Variants in TRAK2 observed in about 807,000 individuals in gnomAD.
The protein encoded by TRAK2 is trafficking kinesin protein 2.
Under a neutral mutation model 104.6 loss-of-function variants are expected in TRAK2, and 81 were observed. That is an observed-to-expected ratio of 0.77 (90% CI 0.65 to 0.93). The LOEUF is 0.93. TRAK2 is among the 40% of genes least tolerant of loss of function. TRAK2 has a pLI of 0.00. For missense variants in TRAK2, 1,002 were observed against 1,089.0 expected (o/e 0.92, Z 1.12); for synonymous variants, 406 against 394.4 (o/e 1.03, Z -0.35).
chr2:201,440,404 T>A (rs1488663778), intron 1 of TRAK2, among the ~76,000 whole-genome samples: 2 of 152,150 alleles, frequency 1.3e-5, no homozygotes, highest in African/African-American at 2.4e-5. Flanking sequence ...CAGGACCTGT[T>A]TTTCTGCCCT....
At chr2:201,408,986 G>A (rs1951620746) in intron 2 of TRAK2, among the ~76,000 whole-genome samples, 1 of 152,026 alleles carries the variant, frequency 6.6e-6, no homozygotes, top group Non-Finnish European at 1.5e-5. Context: ...TGAGGTGAAG[G>A]AAATCGGAAA....
In TRAK2 at chr2:201,398,358, T is replaced by A; in HGVS notation, c.481-4A>T. 6.2e-7 allele frequency: 1 copy of A among 1,608,562 alleles called. No homozygotes were observed. The highest frequency in any genetic ancestry group is 8.5e-7 in the Non-Finnish European group (1 of 1,175,680). ...GCTCATGCTGCAGCTGATTAACCTGTCCATATAAAATGCTTGATTTTCATG... is the reference window on the plus strand; with the variant it reads ...GCTCATGCTGCAGCTGATTAACCTGACCATATAAAATGCTTGATTTTCATG... On this transcript the variant is annotated splice_region_variant and splice_polypyrimidine_tract_variant and intron_variant, in intron 5 of 15. Coordinates refer to ENST00000332624, the MANE Select transcript of TRAK2 (RefSeq NM_015049.3).
Position 201,447,960 on chromosome 2 carries a change from A to G in TRAK2, c.-200+3390T>C, listed in dbSNP as rs1951976559. Among the ~76,000 whole-genome samples, 1 of 152,368 alleles carries G rather than the reference A, an allele frequency of 6.6e-6. No homozygotes were observed. The highest frequency in any genetic ancestry group is 3.4e-3 in the Middle Eastern group (1 of 294). On this transcript the variant is annotated intron_variant, in intron 1 of 15. Coordinates refer to ENST00000332624, the MANE Select transcript of TRAK2 (RefSeq NM_015049.3). This position sits in a 1 kb window ranked among gnomAD's most constrained non-coding sequence, Gnocchi z 4.1. Reference sequence around the variant, plus strand: ...TGTTAATTGTCTCTTTCCTTCTTCAAACTACATTCCTTAAGAGCAAAGACT... The same window carrying G: ...TGTTAATTGTCTCTTTCCTTCTTCAGACTACATTCCTTAAGAGCAAAGACT...
chr2:201,386,106 T>C (rs1408670196), intron 14 of TRAK2, 112 bp downstream of exon 14: 8 of 1,139,170 alleles, frequency 7.0e-6, no homozygotes, highest in African/African-American at 3.1e-5. Context: ...TTATCTGATA[T>C]GCAAGATTAA....
chr2:201,391,976 C>T lies in TRAK2; in HGVS notation c.1113+933G>A, dbSNP rs75212279. Among the ~76,000 whole-genome samples the T allele has an allele frequency of 5.4e-3, 822 of 152,260 alleles. 8 individuals carry two copies. The highest frequency in any genetic ancestry group is 0.018 in the African/African-American group (767 of 41,550). On this transcript the variant is annotated intron_variant, in intron 10 of 15. Coordinates refer to ENST00000332624, the MANE Select transcript of TRAK2 (RefSeq NM_015049.3). ...CTCTGTGGATTAGATGATAATACTG[C>T]ATAAACATCAACTTCCTGATGCTGA...
At chr2:201,411,116 T>C (rs1951642848) in intron 2 of TRAK2, 12 of 932,726 alleles carry the variant, frequency 1.3e-5, no homozygotes, top group Non-Finnish European at 1.9e-5. Context: ...AAGCAGAAGG[T>C]TTAGGGGTAC....
In TRAK2 at chr2:201,389,459, T is replaced by C; in HGVS notation, c.1238A>G (p.Asp413Gly). Reference protein sequence around the residue: ...RVFDTVRIANDTRGRSISFPA... With the variant: ...RVFDTVRIANGTRGRSISFPA... ...GAATGAGATAGAGCGGCCCCGTGTGTCATTGGCAATCCTGACGGTATCAAA... is the reference window on the plus strand; with the variant it reads ...GAATGAGATAGAGCGGCCCCGTGTGCCATTGGCAATCCTGACGGTATCAAA... The change falls in exon 12 of 16, where the codon GAC becomes GGC. Residue 413 changes from aspartate (D) to glycine (G), a missense_variant. Physicochemically the swap from Asp to Gly is moderately conservative, Grantham distance 94. Coordinates refer to ENST00000332624, the MANE Select transcript of TRAK2 (RefSeq NM_015049.3). 6.2e-7 allele frequency: 1 copy of C among 1,614,140 alleles called. No individual in the cohort carries two copies. The highest frequency in any genetic ancestry group is 8.5e-7 in the Non-Finnish European group (1 of 1,180,036).
At chr2:201,433,600 T>G (rs1245754650) in intron 1 of TRAK2, 1 of 152,200 alleles carries the variant, frequency 6.6e-6, no homozygotes, top group African/African-American at 2.4e-5. Context: ...CCTGTTTGTT[T>G]ATAATGAATA....
At position 201,447,798 on chromosome 2, in the gene TRAK2, T is replaced by C. The variant is rs1207723290; in HGVS notation, c.-200+3552A>G. 6.6e-6 allele frequency among the ~76,000 whole-genome samples: 1 copy of C among 152,182 alleles called. No homozygotes were observed. The highest frequency in any genetic ancestry group is 2.4e-5 in the African/African-American group (1 of 41,440). ...TTCAGCCCATAACAACCCCTTCCCC[T>C]TTTCTCTGCCCAGGCTAATTCCCAT... is the stretch of plus-strand genomic sequence containing the variant. On this transcript the variant is annotated intron_variant, in intron 1 of 15. Coordinates refer to ENST00000332624, the MANE Select transcript of TRAK2 (RefSeq NM_015049.3). The surrounding 1 kb of genome is among the most constrained non-coding windows in gnomAD (Gnocchi z 4.1).
chr2:201,427,895 G>A (rs1951804414), intron 1 of TRAK2, among the ~76,000 whole-genome samples: 1 of 151,710 alleles, frequency 6.6e-6, no homozygotes, highest in South Asian at 2.1e-4. Flanking sequence ...TCCCATTGTG[G>A]TTTGCATTTC....
At chr2:201,382,375 T>C (rs1025633653) in intron 15 of TRAK2, among the ~76,000 whole-genome samples, 1 of 152,190 alleles carries the variant, frequency 6.6e-6, no homozygotes, top group Non-Finnish European at 1.5e-5. Flanking sequence ...ATGAACAAAA[T>C]GTAAGCTTAA....
intron 1 of TRAK2, among the ~76,000 whole-genome samples, chr2:201,421,821 G>A (rs1218459224): frequency 1.3e-5 from 2 of 152,024 alleles, no homozygotes; most frequent in Admixed American, 6.6e-5. Context: ...GGCTGAGGTG[G>A]GCCGATCACT....
chr2:201,436,612 C>A (rs2125660987), intron 1 of TRAK2, among the ~76,000 whole-genome samples: 1 of 152,272 alleles, frequency 6.6e-6, no homozygotes, highest in Middle Eastern at 3.4e-3. Context: ...AGCAACAAGT[C>A]AAGAAGAGGT....
In TRAK2 at chr2:201,428,655, C is replaced by CT. The variant is rs1951812728; in HGVS notation, c.-199-7950dup. Among the ~76,000 whole-genome samples, 5 of 152,234 alleles carry CT rather than the reference C, an allele frequency of 3.3e-5. No individual in the cohort carries two copies. The South Asian group carries it at 1.0e-3, about 32-fold the overall frequency. Reference sequence around the variant, plus strand: ...TAGGATTGTCTTGGCAATGCAGGCTCTTTTTGGTTACATATGAACTTTAAA... The same window carrying CT: ...TAGGATTGTCTTGGCAATGCAGGCTCTTTTTTGGTTACATATGAACTTTAAA... On this transcript the variant is annotated intron_variant, in intron 1 of 15. Coordinates refer to ENST00000332624, the MANE Select transcript of TRAK2 (RefSeq NM_015049.3).
chr2:201,412,469 A>G, intron 2 of TRAK2: 4 of 1,157,472 alleles, frequency 3.5e-6, no homozygotes, highest in Non-Finnish European at 5.2e-6. Flanking sequence ...AACTGATCCA[A>G]CTGCCTACTG....
intron 1 of TRAK2, among the ~76,000 whole-genome samples, chr2:201,427,350 T>C (rs758904476): frequency 8.0e-6 from 1 of 125,460 alleles, no homozygotes; most frequent in Non-Finnish European, 1.6e-5. Context: ...CAGGCCCTGG[T>C]ATGTGATATT....
At chr2:201,414,745 T>C (rs1268300166) in intron 2 of TRAK2, among the ~76,000 whole-genome samples, 1 of 152,106 alleles carries the variant, frequency 6.6e-6, no homozygotes, top group African/African-American at 2.4e-5. Flanking sequence ...CTGCCACACA[T>C]ATATTACATA....
intron 1 of TRAK2, among the ~76,000 whole-genome samples, chr2:201,429,081 G>C (rs188733383): frequency 6.6e-6 from 1 of 152,306 alleles, no homozygotes; most frequent in African/African-American, 2.4e-5. Flanking sequence ...AGACAATGGG[G>C]TCTTCTAAAT....
rs1292481119 is a variant in TRAK2, at chr2:201,451,434, A to AGCTGCTGCC, written c.-293_-285dup. The AGCTGCTGCC allele has an allele frequency of 6.6e-6, 1 of 152,146 alleles. No homozygotes were observed. Among genetic ancestry groups the AGCTGCTGCC allele is most frequent in the Non-Finnish European group, 1.5e-5 (1 of 68,036 alleles). 9.4% of individuals were successfully genotyped at this position (152,146 alleles called of 1,614,324 possible). The stretch of plus-strand genomic sequence containing the variant: ...GCGGCAGCCTGAAAGCAGCAGCCGA[A>AGCTGCTGCC]GCTGCTGCCGCTGCTCCCACTGCCA... On this transcript the variant is annotated 5_prime_UTR_variant, in exon 1 of 16. Coordinates refer to ENST00000332624, the MANE Select transcript of TRAK2 (RefSeq NM_015049.3).
Sources: gnomAD v4.1 joint callset for allele counts (sites outside exome capture counted in the v4.1 genomes callset) on GRCh38, gnomAD v4.1.1 for gene constraint, Gnocchi (gnomAD v3.1) non-coding constraint, MANE v1.5 for transcripts, NCBI Gene and HGNC (gene_info 2026-07-23, HGNC 2026-07-21) for gene names.